The following SLC9C1 variants were observed in gnomAD, a reference collection of about 807,000 sequenced individuals.
The protein encoded by SLC9C1 is sodium/hydrogen exchanger 10.
Under a neutral mutation model 140.9 loss-of-function variants are expected in SLC9C1, and 97 were observed. That is an observed-to-expected ratio of 0.69 (90% CI 0.58 to 0.82). The LOEUF (loss-of-function observed/expected upper bound fraction) is 0.82. Among genes scored for constraint, SLC9C1 ranks in the 40% least tolerant of loss-of-function variants. SLC9C1 has a pLI of 0.00. For synonymous variants in SLC9C1, 440 were observed against 442.6 expected (o/e 0.99, Z 0.07); for missense variants, 1,340 against 1,389.3 (o/e 0.96, Z 0.56).
At chr3:112,266,162 G>A in intron 8 of SLC9C1, 76 bp downstream of exon 8, 1 of 1,058,436 alleles carries the variant, frequency 9.4e-7, no homozygotes, top group Non-Finnish European at 1.4e-6. Flanking sequence ...CGACCATGTA[G>A]ATGTAGATAT....
At chr3:112,153,326 TC>T (rs2075036242) in intron 27 of SLC9C1, among the ~76,000 whole-genome samples, 1 of 147,478 alleles carries the variant, frequency 6.8e-6, no homozygotes, top group Admixed American at 6.9e-5. Flanking sequence ...CCTTCTTCAA[TC>T]CCTCCAAATA....
Position 112,233,047 on chromosome 3 carries a change from A to G in SLC9C1, c.1447-1561T>C, listed in dbSNP as rs563972752. On this transcript the variant is annotated intron_variant, in intron 12 of 28. Coordinates refer to ENST00000305815, the MANE Select transcript of SLC9C1 (RefSeq NM_183061.3). ...TTCATACACACACACACACACACAC[A>G]CACATATATATATATATATATTATA... Among the ~76,000 whole-genome samples the G allele has an allele frequency of 5.1e-4, 32 of 62,364 alleles. No individual in the cohort carries two copies. The South Asian group carries it at 0.017, about 33-fold the overall frequency. The allele number at this position is 62,364 out of a possible 152,430, so 40.9% of individuals were successfully genotyped here.
intron 26 of SLC9C1, among the ~76,000 whole-genome samples, chr3:112,166,571 G>C (rs1045691590): frequency 1.3e-5 from 2 of 151,982 alleles, no homozygotes; most frequent in African/African-American, 4.8e-5. Flanking sequence ...TTGATCTCTT[G>C]ATTGGTAATA....
intron 20 of SLC9C1, among the ~76,000 whole-genome samples, chr3:112,195,133 A>C (rs1231304387): frequency 6.6e-6 from 1 of 152,084 alleles, no homozygotes; most frequent in Non-Finnish European, 1.5e-5. Flanking sequence ...ATTTTCCTGA[A>C]GTGCACTTTG....
chr3:112,230,668 C>G (rs1027639296), intron 13 of SLC9C1, among the ~76,000 whole-genome samples: 3 of 152,122 alleles, frequency 2.0e-5, no homozygotes, highest in African/African-American at 7.2e-5. Context: ...TGATTGGAAT[C>G]CTACATGGCT....
chr3:112,181,028 T>A (rs1560036873), intron 21 of SLC9C1, among the ~76,000 whole-genome samples: 2 of 152,240 alleles, frequency 1.3e-5, no homozygotes, highest in Admixed American at 6.5e-5. Context: ...AGTGCTTGGA[T>A]TACAGGCGTG....
intron 14 of SLC9C1, 151 bp downstream of exon 14, chr3:112,220,977 G>T (rs921026942): frequency 5.7e-6 from 3 of 523,188 alleles, no homozygotes; most frequent in Admixed American, 7.1e-5. Context: ...TGAGGGTGGG[G>T]TATAGAGCAG....
chr3:112,207,752 C>T (rs879767685), intron 16 of SLC9C1, among the ~76,000 whole-genome samples: 10 of 152,058 alleles, frequency 6.6e-5, no homozygotes, highest in Admixed American at 3.9e-4. Flanking sequence ...CTTCCTTCTC[C>T]GACCCTACTA....
chr3:112,159,870 T>C (rs1002169110), intron 26 of SLC9C1, among the ~76,000 whole-genome samples: 1 of 152,102 alleles, frequency 6.6e-6, no homozygotes, highest in African/African-American at 2.4e-5. Flanking sequence ...TTATCTGATA[T>C]AAGTTTAGCT....
intron 23 of SLC9C1, among the ~76,000 whole-genome samples, chr3:112,174,510 A>C (rs1236942575): frequency 2.0e-5 from 3 of 152,136 alleles, no homozygotes; most frequent in Admixed American, 2.0e-4. Context: ...GCGGGGGTGC[A>C]GTTGTATGTC....
In SLC9C1 at chr3:112,180,546, C is replaced by A; in HGVS notation, c.2748+18G>T. The A allele has an allele frequency of 6.3e-7, 1 of 1,574,892 alleles. No homozygotes were observed. Among genetic ancestry groups the A allele is most frequent in the Non-Finnish European group, 8.6e-7 (1 of 1,164,424 alleles). ...CTCAAAACAAAAAAACAAAACAAAACAAAAACCTCTGCCTTACCTTTACCA... is the reference window on the plus strand; with the variant it reads ...CTCAAAACAAAAAAACAAAACAAAAAAAAAACCTCTGCCTTACCTTTACCA... On this transcript the variant is annotated intron_variant, in intron 22 of 28. Transcript: ENST00000305815.
At chr3:112,166,168 C>T (rs547304660) in intron 26 of SLC9C1, among the ~76,000 whole-genome samples, 11 of 152,350 alleles carry the variant, frequency 7.2e-5, no homozygotes, top group Admixed American at 5.2e-4. Context: ...CGCCGTCTGT[C>T]ACCCCTTTCT....
At chr3:112,276,667 A>C (rs951351114) in intron 5 of SLC9C1, among the ~76,000 whole-genome samples, 1 of 152,132 alleles carries the variant, frequency 6.6e-6, no homozygotes, top group Non-Finnish European at 1.5e-5. Flanking sequence ...CAAAATAACA[A>C]AGTTAGACAA....
chr3:112,173,744 C>A (rs2077287965), intron 23 of SLC9C1, among the ~76,000 whole-genome samples: 1 of 152,188 alleles, frequency 6.6e-6, no homozygotes, highest in Non-Finnish European at 1.5e-5. Flanking sequence ...AAAGAACATA[C>A]ACATACATGT....
intron 15 of SLC9C1, among the ~76,000 whole-genome samples, chr3:112,217,192 C>A (rs1179386296): frequency 6.6e-6 from 1 of 151,932 alleles, no homozygotes; most frequent in Non-Finnish European, 1.5e-5. Context: ...ACATCACACA[C>A]TGGGGCCTGT....
chr3:112,283,425 G>A (rs946219009), intron 2 of SLC9C1, among the ~76,000 whole-genome samples: 1 of 150,368 alleles, frequency 6.7e-6, no homozygotes, highest in African/African-American at 2.5e-5. Flanking sequence ...TGAAGCTGCA[G>A]TGAGCTGTGA....
At chr3:112,191,836 C>A (rs2077667256) in intron 20 of SLC9C1, among the ~76,000 whole-genome samples, 1 of 151,770 alleles carries the variant, frequency 6.6e-6, no homozygotes, top group Non-Finnish European at 1.5e-5. Context: ...ATATGAATTT[C>A]AAATATCTCA....
At chr3:112,192,262 A>G (rs1166294958) in intron 20 of SLC9C1, among the ~76,000 whole-genome samples, 2 of 152,052 alleles carry the variant, frequency 1.3e-5, no homozygotes, top group Non-Finnish European at 2.9e-5. Flanking sequence ...ATAATTCCCC[A>G]TTTCAACTTC....
chr3:112,256,550 A>T (rs1442067823), intron 10 of SLC9C1, among the ~76,000 whole-genome samples: 2 of 152,186 alleles, frequency 1.3e-5, no homozygotes, highest in African/African-American at 4.8e-5. Context: ...TCTACTAGGT[A>T]TCGAAGGACC....
Sources: allele counts gnomAD v4.1 joint callset (sites outside exome capture counted in the v4.1 genomes callset), GRCh38; gene constraint gnomAD v4.1.1; transcripts MANE v1.5; gene names NCBI Gene and HGNC (gene_info 2026-07-23, HGNC 2026-07-21).